MUCL1: variants seen among roughly 807,000 people sequenced by gnomAD.
MUCL1 encodes mucin-like protein 1.
MUCL1 carries 11 observed loss-of-function variants against 9.2 expected under a neutral mutation model. The observed-to-expected ratio is 1.19, with a 90% CI of 0.75 to 1.97. MUCL1 has a LOEUF of 1.97. Among genes scored for constraint, MUCL1 ranks in the 30% most tolerant of loss-of-function variants. The pLI, the probability that MUCL1 is intolerant of heterozygous loss-of-function variation, is 0.00. For missense variants in MUCL1, 144 were observed against 110.9 expected, an observed-to-expected ratio of 1.30 and a Z score of -1.34; for synonymous variants, 48 against 40.5, an observed-to-expected ratio of 1.19 and a Z score of -0.71.
chr12:54,839,498 G>A (rs903067270), intron 1 of MUCL1: 2 of 700,858 alleles, frequency 2.9e-6, no homozygotes, highest in Non-Finnish European at 5.2e-6. Flanking sequence ...CCTTGACAGA[G>A]GCAGCTGGGG....
intron 1 of MUCL1, among the ~76,000 whole-genome samples, chr12:54,846,109 G>A (rs1189528473): frequency 2.0e-5 from 3 of 152,114 alleles, no homozygotes; most frequent in Non-Finnish European, 4.4e-5. Flanking sequence ...CGGTACACTG[G>A]GCGAGAACTT....
chr12:54,855,589 G>A lies in MUCL1; in HGVS notation c.100+432G>A. On this transcript the variant is annotated intron_variant, in intron 2 of 3. Coordinates refer to ENST00000308796, the MANE Select transcript of MUCL1 (RefSeq NM_058173.3). ...GGATCACAAGTGAGGGTGGTGTGTG[G>A]GATGTGGAGTGCAGGGGTCAGTTCT... is the stretch of plus-strand genomic sequence containing the variant. 2 of 191,382 alleles carry A rather than the reference G, an allele frequency of 1.0e-5. 1 individual carries two copies. Among genetic ancestry groups the A allele is most frequent in the South Asian group, 2.1e-4 (2 of 9,532 alleles). The allele number at this position is 191,382 out of a possible 1,614,324, so 11.9% of individuals were successfully genotyped here.
At chr12:54,850,234 T>A (rs960215700), upstream of MUCL1, among the ~76,000 whole-genome samples, 6 of 152,120 alleles carry the variant, frequency 3.9e-5, no homozygotes, top group Non-Finnish European at 8.8e-5. Context: ...TATGTATACA[T>A]GTGCCATGTT....
chr12:54,847,291 A>G (rs1475586290), intron 1 of MUCL1, among the ~76,000 whole-genome samples: 1 of 152,184 alleles, frequency 6.6e-6, no homozygotes, highest in East Asian at 1.9e-4. Flanking sequence ...GAGTTCATTT[A>G]CTGAGAGGGA....
upstream of MUCL1, among the ~76,000 whole-genome samples, chr12:54,837,863 C>T (rs141636475): frequency 4.6e-3 from 699 of 152,288 alleles, 5 homozygotes; most frequent in African/African-American, 0.015. Context: ...TTTTTTAATA[C>T]GTTCTGCCAA....
intron 1 of MUCL1, chr12:54,839,573 T>A (rs1003848337): frequency 2.9e-6 from 2 of 689,064 alleles, no homozygotes; most frequent in Non-Finnish European, 5.3e-6. Flanking sequence ...CTCATCCTCC[T>A]GTCAAGTCGC....
At chr12:54,833,259 A>G (rs1050815813) in intron 1 of MUCL1, among the ~76,000 whole-genome samples, 2 of 152,168 alleles carry the variant, frequency 1.3e-5, no homozygotes, top group African/African-American at 4.8e-5. Context: ...TGCATCGAAT[A>G]TATAGAATTA....
chr12:54,840,652 G>C (rs868357137), intron 1 of MUCL1, among the ~76,000 whole-genome samples: 30 of 152,280 alleles, frequency 2.0e-4, no homozygotes, highest in Admixed American at 1.7e-3. Flanking sequence ...GGCTGGGTCA[G>C]GCAAGTCCCA....
At chr12:54,843,480 TG>T (rs1210703606) in intron 1 of MUCL1, among the ~76,000 whole-genome samples, 1 of 152,128 alleles carries the variant, frequency 6.6e-6, no homozygotes, top group East Asian at 1.9e-4. Flanking sequence ...TTATGTTAGA[TG>T]GTATGGAAAG....
upstream of MUCL1, among the ~76,000 whole-genome samples, chr12:54,834,595 A>G (rs1015287462): frequency 6.6e-6 from 1 of 152,082 alleles, no homozygotes; most frequent in Admixed American, 6.6e-5. Context: ...TTACATAGTT[A>G]CTATTTTTTG....
rs1439996201 is a variant in MUCL1 at position 54,856,871 on chromosome 12, A to T, written c.202A>T (p.Thr68Ser). 1 of 1,613,722 alleles carries T rather than the reference A, an allele frequency of 6.2e-7. No individual in the cohort carries two copies. Among genetic ancestry groups the T allele is most frequent in the Non-Finnish European group, 8.5e-7 (1 of 1,179,828 alleles). Reference sequence around the variant, plus strand: ...CACTGCAACCACCGCTGCTTCTACCACTGCTCGTAAAGACATTCCAGGTAG... The same window carrying T: ...CACTGCAACCACCGCTGCTTCTACCTCTGCTCGTAAAGACATTCCAGGTAG... ...PTTATTAASTTARKDIPVLPK... is the reference protein window; with the variant it reads ...PTTATTAASTSARKDIPVLPK... The change falls in exon 3 of 4, where the codon ACT becomes TCT. Residue 68 changes from threonine to serine, a missense_variant. Thr to Ser is a moderately conservative substitution (Grantham distance 58). Transcript: ENST00000308796.
At chr12:54,840,317 A>G (rs952261777) in intron 1 of MUCL1, among the ~76,000 whole-genome samples, 4 of 152,232 alleles carry the variant, frequency 2.6e-5, no homozygotes, top group Non-Finnish European at 5.9e-5. Context: ...TAAACTGGTC[A>G]TGTGCACAGA....
intron 1 of MUCL1, among the ~76,000 whole-genome samples, chr12:54,841,351 G>GT (rs1565775349): frequency 2.0e-5 from 3 of 152,114 alleles, no homozygotes; most frequent in Admixed American, 2.0e-4. Flanking sequence ...TTTCCTTTGA[G>GT]TATATACATA....
rs1868301763 is a variant in MUCL1 at position 54,856,687 on chromosome 12, G to A, written c.101-83G>A. 10 of 1,519,044 alleles carry A rather than the reference G, an allele frequency of 6.6e-6. No individual in the cohort carries two copies. The Admixed American group carries it at 1.6e-4, about 24-fold the overall frequency. 94.1% of individuals were successfully genotyped at this position (1,519,044 alleles called of 1,614,324 possible). A position where few individuals can be genotyped will look rare whatever the true frequency, so the allele number is the denominator to read the frequency against. Reference sequence around the variant, plus strand: ...ATTTGCAGAGATGAATTCAGGATGAGGAATGTATGTCTACCCCTGGGTGGG... The same window carrying A: ...ATTTGCAGAGATGAATTCAGGATGAAGAATGTATGTCTACCCCTGGGTGGG... On this transcript the variant is annotated intron_variant, in intron 2 of 3. Coordinates refer to ENST00000308796, the MANE Select transcript of MUCL1 (RefSeq NM_058173.3).
At chr12:54,842,758 T>C (rs926921251) in intron 1 of MUCL1, among the ~76,000 whole-genome samples, 1 of 152,310 alleles carries the variant, frequency 6.6e-6, no homozygotes, top group East Asian at 1.9e-4. Context: ...AATTATCTTT[T>C]CATAATTTCT....
At chr12:54,840,881 G>A (rs1469361193) in intron 1 of MUCL1, among the ~76,000 whole-genome samples, 1 of 152,164 alleles carries the variant, frequency 6.6e-6, no homozygotes, top group Non-Finnish European at 1.5e-5. Context: ...TCCACTAGTA[G>A]CAGCTAGCAA....
upstream of MUCL1, among the ~76,000 whole-genome samples, chr12:54,852,345 T>G (rs921511992): frequency 6.6e-6 from 1 of 152,122 alleles, no homozygotes; most frequent in Non-Finnish European, 1.5e-5. Flanking sequence ...CCCTCAGAAA[T>G]AATGCCACAC....
chr12:54,846,797 C>T (rs1039939584), intron 1 of MUCL1, among the ~76,000 whole-genome samples: 2 of 142,936 alleles, frequency 1.4e-5, no homozygotes, highest in African/African-American at 5.0e-5. Context: ...ATTAGGGTAA[C>T]TGAATAATGA....
At chr12:54,844,260 G>A (rs2135942163) in intron 1 of MUCL1, among the ~76,000 whole-genome samples, 1 of 151,942 alleles carries the variant, frequency 6.6e-6, no homozygotes, top group East Asian at 1.9e-4. Flanking sequence ...TTTTATTGGG[G>A]GATAATGTAT....
Sources: gnomAD v4.1 joint callset for allele counts (sites outside exome capture counted in the v4.1 genomes callset) on GRCh38, gnomAD v4.1.1 for gene constraint, MANE v1.5 for transcripts, NCBI Gene and HGNC (gene_info 2026-07-23, HGNC 2026-07-21) for gene names.